The following VPS16 variants were observed in gnomAD, a reference collection of about 807,000 sequenced individuals.
VPS16 encodes VPS16 core subunit of CORVET and HOPS complexes.
A neutral mutation model predicts 116.0 loss-of-function variants in VPS16; 82 were observed. That is an observed-to-expected ratio of 0.71 (90% confidence interval 0.59 to 0.85). The LOEUF (loss-of-function observed/expected upper bound fraction) is 0.85, where lower values mean the gene tolerates loss of function less well. Ranked by LOEUF, VPS16 falls within the 40% of genes least tolerant of loss-of-function variation. VPS16 has a pLI of 0.00. For synonymous variants in VPS16, 406 were observed against 420.7 expected (o/e 0.96, Z 0.43); for missense variants, 928 against 1,090.6 (o/e 0.85, Z 2.10).
At chr20:2,852,113 G>A (rs1027108793) in intron 1 of VPS16, among the ~76,000 whole-genome samples, 2 of 152,144 alleles carry the variant, frequency 1.3e-5, no homozygotes, top group Admixed American at 6.6e-5. Context: ...GGAGTGCAGC[G>A]TCTGTCCAGA....
chr20:2,841,702 T>C (rs2088976658), intron 1 of VPS16, among the ~76,000 whole-genome samples: 1 of 152,114 alleles, frequency 6.6e-6, no homozygotes, highest in African/African-American at 2.4e-5. Flanking sequence ...TCTATTTGTA[T>C]ATTTAGGCGA....
In VPS16 at chr20:2,859,707, C is replaced by G; in HGVS notation, c.54-12C>G. On this transcript the variant is annotated splice_polypyrimidine_tract_variant and intron_variant, in intron 1 of 23. Coordinates refer to ENST00000380445, the MANE Select transcript of VPS16 (RefSeq NM_022575.4). ...TAATGAGGCTAATTTCTGCTCATCT[C>G]TGTGTGGGCAGGAAATATGAGCTGT... 1 of 1,612,986 alleles carries G rather than the reference C, an allele frequency of 6.2e-7. No individual in the cohort carries two copies. Among genetic ancestry groups the G allele is most frequent in the Non-Finnish European group, 8.5e-7 (1 of 1,179,462 alleles).
Position 2,864,003 on chromosome 20 carries a change from C to T in VPS16, c.1531C>T (p.Leu511=). 2.5e-6 allele frequency: 4 copies of T among 1,614,100 alleles called. No individual in the cohort carries two copies. Among genetic ancestry groups the T allele is most frequent in the Non-Finnish European group, 3.4e-6 (4 of 1,179,996 alleles). Reference sequence around the variant, plus strand: ...TGTGGCTCGAGCCATTAACCAGAAGCTGGGGGACACGCCTGGTGTCTCTTA... The same window carrying T: ...TGTGGCTCGAGCCATTAACCAGAAGTTGGGGGACACGCCTGGTGTCTCTTA... ...EDVARAINQK[L]GDTPGVSYSD... The change falls in exon 16 of 24, where the codon CTG becomes TTG. Residue 511 remains leucine, a synonymous_variant. Transcript: ENST00000380445. This position sits in a 1 kb window ranked among gnomAD's most constrained non-coding sequence, Gnocchi z 5.2.
chr20:2,865,142 C>A lies in VPS16; in HGVS notation c.2005-6C>A. On this transcript the variant is annotated splice_polypyrimidine_tract_variant and splice_region_variant and intron_variant, in intron 20 of 23. Coordinates refer to ENST00000380445, the MANE Select transcript of VPS16 (RefSeq NM_022575.4). The surrounding 1 kb of genome is among the most constrained non-coding windows in gnomAD (Gnocchi z 5.2). The stretch of plus-strand genomic sequence containing the variant: ...CCCCATCATGCCTCATTATCCGGGT[C>A]CCCAGGCTACAGAGGATCAAATGCG... The A allele has an allele frequency of 6.2e-7, 1 of 1,614,072 alleles. No individual in the cohort carries two copies. Among genetic ancestry groups the A allele is most frequent in the Non-Finnish European group, 8.5e-7 (1 of 1,179,984 alleles).
At chr20:2,847,950 A>G (rs7268763) in intron 1 of VPS16, among the ~76,000 whole-genome samples, 44,409 of 151,996 alleles carry the variant, frequency 0.29, 6,738 homozygotes, top group East Asian at 0.47. Context: ...ACCTTAGAGT[A>G]CAGCCACAGT....
intron 8 of VPS16, 34 bp downstream of exon 8, chr20:2,861,314 G>A (rs1351684121): frequency 1.2e-6 from 2 of 1,613,224 alleles, no homozygotes; most frequent in Non-Finnish European, 8.5e-7. Context: ...GGGGGTGTGG[G>A]TGAGACATAG....
intron 1 of VPS16, among the ~76,000 whole-genome samples, chr20:2,846,015 C>T (rs142558325): frequency 6.6e-6 from 1 of 152,108 alleles, no homozygotes; most frequent in African/African-American, 2.4e-5. Context: ...TTTCATCTTT[C>T]CATGGACACT....
chr20:2,866,086 T>C (rs1198995868), intron 22 of VPS16, 126 bp from the exon 23 acceptor site: 9 of 797,426 alleles, frequency 1.1e-5, no homozygotes, highest in South Asian at 6.7e-5. Context: ...GGGGATTATA[T>C]GTACTGACGG....
intron 1 of VPS16, among the ~76,000 whole-genome samples, chr20:2,849,524 C>T (rs1396612303): frequency 6.6e-6 from 1 of 151,820 alleles, no homozygotes; most frequent in Non-Finnish European, 1.5e-5. Flanking sequence ...GTCTTGAACT[C>T]CTGACCTCAG....
Position 2,861,941 on chromosome 20 carries a change from C to T in VPS16, c.994+42C>T, listed in dbSNP as rs369106493. ...GGCACCACATAACCCAAGGTGGGGA[C>T]TCCTCGGCACCCCAGCTGCCCTGGG... On this transcript the variant is annotated intron_variant, in intron 10 of 23. Coordinates refer to ENST00000380445, the MANE Select transcript of VPS16 (RefSeq NM_022575.4). 1.1e-5 allele frequency: 17 copies of T among 1,607,698 alleles called. No homozygotes were observed. The African/African-American group carries it at 1.9e-4, about 18-fold the overall frequency.
intron 1 of VPS16, among the ~76,000 whole-genome samples, chr20:2,850,617 G>A (rs781643776): frequency 5.3e-5 from 8 of 151,990 alleles, no homozygotes; most frequent in Middle Eastern, 6.8e-3. Context: ...AGAGTGAGAC[G>A]CCATCTCCAA....
In VPS16 at chr20:2,840,835, G is replaced by T. The variant is rs756959064; in HGVS notation, c.53+8G>T. The T allele has an allele frequency of 2.6e-6, 4 of 1,524,344 alleles. No homozygotes were observed. Among genetic ancestry groups the T allele is most frequent in the Non-Finnish European group, 2.7e-6 (3 of 1,128,014 alleles). 94.4% of individuals were successfully genotyped at this position (1,524,344 alleles called of 1,614,324 possible). ...GGACTCTGCCTTTTACCGGTGAGCTGCCCCGCCCTCCCGCCCACGGCCTGG... is the reference window on the plus strand; with the variant it reads ...GGACTCTGCCTTTTACCGGTGAGCTTCCCCGCCCTCCCGCCCACGGCCTGG... On this transcript the variant is annotated splice_region_variant and intron_variant, in intron 1 of 23. Coordinates refer to ENST00000380445, the MANE Select transcript of VPS16 (RefSeq NM_022575.4).
chr20:2,851,035 A>G (rs1367850235), intron 1 of VPS16, among the ~76,000 whole-genome samples: 3 of 152,024 alleles, frequency 2.0e-5, no homozygotes, highest in Admixed American at 1.3e-4. Context: ...GGGCCAAGGA[A>G]GAGTACCCAA....
intron 1 of VPS16, among the ~76,000 whole-genome samples, chr20:2,849,243 A>T (rs1450393240): frequency 6.6e-6 from 1 of 152,160 alleles, no homozygotes; most frequent in African/African-American, 2.4e-5. Context: ...AACAACTCAC[A>T]CAAATTTGTG....
At chr20:2,861,941 C>G in intron 10 of VPS16, 42 bp downstream of exon 10, 1 of 1,607,816 alleles carries the variant, frequency 6.2e-7, no homozygotes, top group South Asian at 1.1e-5. Flanking sequence ...AAGGTGGGGA[C>G]TCCTCGGCAC....
chr20:2,853,865 G>T (rs1325358344), intron 1 of VPS16, among the ~76,000 whole-genome samples: 2 of 151,798 alleles, frequency 1.3e-5, no homozygotes, highest in African/African-American at 4.8e-5. Flanking sequence ...TAGAGACAGG[G>T]TTTCACCGTG....
rs150764829 is a variant in VPS16, at chr20:2,861,623, G to T, written c.818G>T (p.Arg273Leu). 125 of 1,611,008 alleles carry T rather than the reference G, an allele frequency of 7.8e-5. No individual in the cohort carries two copies. The highest frequency in any genetic ancestry group is 1.0e-4 in the Non-Finnish European group (119 of 1,179,190). ...APPKQMVWCS[R>L]PRSKERAVVV... is the part of the protein sequence containing the mutation. ...GTATATGCTGCTCACAGGTGCAGCC[G>T]TCCTCGTAGCAAGGAGAGGGCCGTG... The change falls in exon 9 of 24, where the codon CGT (arginine) becomes CTT (leucine). Residue 273 changes from arginine to leucine, a missense_variant. Coordinates refer to ENST00000380445, the MANE Select transcript of VPS16 (RefSeq NM_022575.4).
rs765554843 is a variant in VPS16 at position 2,861,864 on chromosome 20, C to T, written c.959C>T (p.Ser320Phe). 6.2e-6 allele frequency: 10 copies of T among 1,613,750 alleles called. No homozygotes were observed. The East Asian group carries it at 2.0e-4, about 32-fold the overall frequency. The change falls in exon 10 of 24, where the codon TCC (serine) becomes TTC (phenylalanine). Residue 320 changes from serine to phenylalanine, a missense_variant. Transcript: ENST00000380445. ...GAGCTCGATGGGGTCCGCATCTTCT[C>T]CCGCAGCACCCACGAGTTCCTGCAT... is the stretch of plus-strand genomic sequence containing the variant. ...VPELDGVRIF[S>F]RSTHEFLHEV...
intron 1 of VPS16, among the ~76,000 whole-genome samples, chr20:2,858,358 C>T (rs1465494535): frequency 6.6e-6 from 1 of 152,146 alleles, no homozygotes; most frequent in Non-Finnish European, 1.5e-5. Context: ...CTGCCTGCTT[C>T]GGCCCCCTAA....
Sources: allele counts gnomAD v4.1 joint callset (sites outside exome capture counted in the v4.1 genomes callset), GRCh38; gene constraint gnomAD v4.1.1; non-coding constraint Gnocchi (gnomAD v3.1); transcripts MANE v1.5; gene names NCBI Gene and HGNC (gene_info 2026-07-23, HGNC 2026-07-21).